Variants in DOCK6 observed in about 807,000 individuals in gnomAD.
DOCK6 encodes dedicator of cytokinesis 6, also known as dedicator of cytokinesis protein 6.
DOCK6 carries 167 observed loss-of-function variants against 230.3 expected under a neutral mutation model. The observed-to-expected ratio is 0.73, with a 90% CI of 0.64 to 0.82. DOCK6 has a LOEUF of 0.82. DOCK6 is among the 40% of genes least tolerant of loss of function. The probability of loss-of-function intolerance (pLI) is 0.00; values close to 1 mark genes in which losing one functional copy is unlikely to be tolerated. For synonymous variants in DOCK6, 1,148 were observed against 1,185.0 expected (o/e 0.97, Z 0.64); for missense variants, 2,598 against 2,825.8 (o/e 0.92, Z 1.83).
chr19:11,245,373 G>T (rs1392734681), intron 9 of DOCK6, among the ~76,000 whole-genome samples, 190 bp downstream of exon 9: 1 of 151,986 alleles, frequency 6.6e-6, no homozygotes, highest in Non-Finnish European at 1.5e-5. Flanking sequence ...CTCAACTGTC[G>T]CCTCTCCCTG....
chr19:11,251,245 C>T, intron 5 of DOCK6, 159 bp from the exon 6 acceptor site: 2 of 698,030 alleles, frequency 2.9e-6, no homozygotes, highest in Non-Finnish European at 4.7e-6. Flanking sequence ...TGCCTACCCT[C>T]TTTCCAGAAA....
rs1265058969 is a variant in DOCK6, at chr19:11,200,307, C to T, written c.6101+1G>A. 6 of 1,561,348 alleles carry T rather than the reference C, an allele frequency of 3.8e-6. No homozygotes were observed. Among genetic ancestry groups the T allele is most frequent in the Non-Finnish European group, 4.3e-6 (5 of 1,152,856 alleles). On this transcript the variant is annotated splice_donor_variant, in intron 47 of 47. Coordinates refer to ENST00000294618, the MANE Select transcript of DOCK6 (RefSeq NM_020812.4). LOFTEE classifies it high-confidence loss of function. The surrounding 1 kb of genome is among the most constrained non-coding windows in gnomAD (Gnocchi z 4.3). ...TAGGATGGGGGCACTAGGTCAGGCACCTGAGGCCGGGTGGGGTGGGTGCCA... is the reference window on the plus strand; with the variant it reads ...TAGGATGGGGGCACTAGGTCAGGCATCTGAGGCCGGGTGGGGTGGGTGCCA...
Position 11,227,402 on chromosome 19 carries a change from A to G in DOCK6, c.2890T>C (p.Phe964Leu), listed in dbSNP as rs745891294. The change falls in exon 24 of 48, where the codon TTC (phenylalanine) becomes CTC (leucine). Residue 964 changes from phenylalanine to leucine, a missense_variant. Phe to Leu is a conservative substitution (Grantham distance 22, BLOSUM62 0). Transcript: ENST00000294618. ...ACCAAGGCAGTGATGTCGTCCAGGA[A>G]GCGTCCGGGGAAGCGCAGCTTGCGG... is the stretch of plus-strand genomic sequence containing the variant. Reference protein sequence around the residue: ...TPRKLRFPGRFLDDITALVGS... With the variant: ...TPRKLRFPGRLLDDITALVGS... The G allele has an allele frequency of 6.2e-7, 1 of 1,613,790 alleles. No homozygotes were observed. Among genetic ancestry groups the G allele is most frequent in the South Asian group, 1.1e-5 (1 of 91,058 alleles).
intron 39 of DOCK6, among the ~76,000 whole-genome samples, chr19:11,205,165 C>G (rs1485094625): frequency 1.3e-5 from 2 of 152,154 alleles, no homozygotes; most frequent in Non-Finnish European, 2.9e-5. Flanking sequence ...CCTGTGTCCA[C>G]CCCCTGGTTT....
chr19:11,237,845 G>A lies in DOCK6; in HGVS notation c.1833-66C>T, dbSNP rs3745683. The A allele has an allele frequency of 0.097, 145,802 of 1,497,032 alleles. 9,123 individuals are homozygous for A. Among genetic ancestry groups the A allele is most frequent in the East Asian group, 0.25 (10,023 of 40,618 alleles). The allele number at this position is 1,497,032 out of a possible 1,614,324, so 92.7% of individuals were successfully genotyped here. On this transcript the variant is annotated intron_variant, in intron 16 of 47. Coordinates refer to ENST00000294618, the MANE Select transcript of DOCK6 (RefSeq NM_020812.4). ...CCCCACTGTCTGCCCCATCACCTCT[G>A]CCATGCCACGCCCTTATTGCTGCTA...
At chr19:11,252,981 T>A (rs1256968460) in intron 2 of DOCK6, 23 bp from the exon 3 acceptor site, 6 of 1,587,046 alleles carry the variant, frequency 3.8e-6, no homozygotes, top group Admixed American at 3.6e-5. Flanking sequence ...AAAGTGGCTG[T>A]GATCGCACTA....
At chr19:11,239,073 G>A (rs1295460288) in intron 14 of DOCK6, among the ~76,000 whole-genome samples, 1 of 152,140 alleles carries the variant, frequency 6.6e-6, no homozygotes, top group Non-Finnish European at 1.5e-5. Context: ...GGAAACTGAG[G>A]TACTTGCACA....
Position 11,243,334 on chromosome 19 carries a change from G to T in DOCK6, c.1310C>A (p.Ala437Glu), listed in dbSNP as rs1003376563. Reference sequence around the variant, plus strand: ...GCTGCAGGCGTCGTCCCCACTACTCGCCCGGTCCTGGGGCCCCCGACGGCG... The same window carrying T: ...GCTGCAGGCGTCGTCCCCACTACTCTCCCGGTCCTGGGGCCCCCGACGGCG... ...DRRRRGPQDR[A>E]SSGDDACSFS... Residue 437 changes from alanine to glutamate, a missense_variant, in exon 12 of 48, where the codon GCG (alanine) becomes GAG (glutamate). Coordinates refer to ENST00000294618, the MANE Select transcript of DOCK6 (RefSeq NM_020812.4). The surrounding 1 kb of genome is among the most constrained non-coding windows in gnomAD (Gnocchi z 6.3). 1 of 1,598,860 alleles carries T rather than the reference G, an allele frequency of 6.3e-7. No individual in the cohort carries two copies. Among genetic ancestry groups the T allele is most frequent in the Admixed American group, 1.7e-5 (1 of 57,284 alleles).
chr19:11,239,563 A>G, intron 14 of DOCK6: 2 of 1,565,038 alleles, frequency 1.3e-6, no homozygotes, highest in Non-Finnish European at 1.7e-6. Context: ...TTAACGATTG[A>G]CTGGGGATCA....
intron 22 of DOCK6, among the ~76,000 whole-genome samples, chr19:11,230,425 C>T (rs2079746688): frequency 6.6e-6 from 1 of 152,076 alleles, no homozygotes; most frequent in South Asian, 2.1e-4. Context: ...GCAACCACAA[C>T]AGGCAGGAGG....
At chr19:11,239,902 C>T (rs1454633902) in intron 14 of DOCK6, 2 of 1,591,332 alleles carry the variant, frequency 1.3e-6, no homozygotes, top group South Asian at 2.3e-5. Context: ...GGATGCAGCC[C>T]AGGAACTTCG....
Position 11,237,633 on chromosome 19 carries a change from CG to C in DOCK6, c.1971+7del. On this transcript the variant is annotated splice_region_variant and intron_variant, in intron 17 of 47. Transcript: ENST00000294618. The stretch of plus-strand genomic sequence containing the variant: ...GGCTCAGGGGGAGGGAGGGAGGGGA[CG>C]GCTCACAGTAAAGCCCACGGGTGTC... 6.3e-7 allele frequency: 1 copy of C among 1,591,128 alleles called. No individual in the cohort carries two copies. The highest frequency in any genetic ancestry group is 8.6e-7 in the Non-Finnish European group (1 of 1,169,514).
chr19:11,212,159 G>A lies in DOCK6; in HGVS notation c.4492-8C>T, dbSNP rs774853718. 4.4e-6 allele frequency: 7 copies of A among 1,604,112 alleles called. No individual in the cohort carries two copies. The South Asian group carries it at 7.7e-5, about 18-fold the overall frequency. Reference sequence around the variant, plus strand: ...CTTCACACGGGCAAAGTTCTGCAGGGACAGGGGCGGGAGGGTGGAGCCGGG... The same window carrying A: ...CTTCACACGGGCAAAGTTCTGCAGGAACAGGGGCGGGAGGGTGGAGCCGGG... On this transcript the variant is annotated splice_polypyrimidine_tract_variant and splice_region_variant and intron_variant, in intron 35 of 47. Coordinates refer to ENST00000294618, the MANE Select transcript of DOCK6 (RefSeq NM_020812.4).
In DOCK6 at chr19:11,215,592, G is replaced by GCAGAAGCCTGCCGGGTGGAC. The variant is rs2079471960; in HGVS notation, c.4022-141_4022-122dup. On this transcript the variant is annotated intron_variant, in intron 31 of 47. Coordinates refer to ENST00000294618, the MANE Select transcript of DOCK6 (RefSeq NM_020812.4). ...CTGACCCATGAGGGCACTGGGTGGAGCAGAAGCCTGCCGGGTGGACGCACA... is the reference window on the plus strand; with the variant it reads ...CTGACCCATGAGGGCACTGGGTGGAGCAGAAGCCTGCCGGGTGGACCAGAAGCCTGCCGGGTGGACGCACA... The GCAGAAGCCTGCCGGGTGGAC allele has an allele frequency of 2.3e-5, 29 of 1,280,746 alleles. No homozygotes were observed. The South Asian group carries it at 3.6e-4, about 16-fold the overall frequency. 79.3% of individuals were successfully genotyped at this position (1,280,746 alleles called of 1,614,324 possible).
In DOCK6 at chr19:11,202,149, G is replaced by A; in HGVS notation, c.5452-24C>T. On this transcript the variant is annotated intron_variant, in intron 43 of 47. Coordinates refer to ENST00000294618, the MANE Select transcript of DOCK6 (RefSeq NM_020812.4). The surrounding 1 kb of genome is among the most constrained non-coding windows in gnomAD (Gnocchi z 5.3). Reference sequence around the variant, plus strand: ...GCCTGGGCGCAGGGTCAGGTGTGAGGATCCCACAGCCCCAGCACGCACAGC... The same window carrying A: ...GCCTGGGCGCAGGGTCAGGTGTGAGAATCCCACAGCCCCAGCACGCACAGC... The A allele has an allele frequency of 1.2e-6, 2 of 1,608,440 alleles. No individual in the cohort carries two copies. The highest frequency in any genetic ancestry group is 1.7e-6 in the Non-Finnish European group (2 of 1,175,144).
At chr19:11,216,089 A>T in intron 30 of DOCK6, 162 bp from the exon 31 acceptor site, 1 of 879,548 alleles carries the variant, frequency 1.1e-6, no homozygotes, top group Non-Finnish European at 1.6e-6. Context: ...CCAAAAAAAA[A>T]ATTTTTTTTT....
chr19:11,235,666 CA>C lies in DOCK6; in HGVS notation c.2485del (p.Cys829AlafsTer28). The C allele has an allele frequency of 6.2e-7, 1 of 1,602,606 alleles. No homozygotes were observed. The highest frequency in any genetic ancestry group is 8.5e-7 in the Non-Finnish European group (1 of 1,174,838). On this transcript the variant is annotated frameshift_variant, in exon 21 of 48. Transcript: ENST00000294618. LOFTEE classifies it high-confidence loss of function. ...GTGGACGTAGGCAGCCAGCTGTGGGCAGTGACCGCGGGCATCCTGGGCTGCC... is the reference window on the plus strand; with the variant it reads ...GTGGACGTAGGCAGCCAGCTGTGGGCGTGACCGCGGGCATCCTGGGCTGCC... The part of the protein sequence containing the change: ...LEAAQDARGH[C>X]PQLAAYVHYA...
At position 11,200,376 on chromosome 19, in the gene DOCK6, C is replaced by A; in HGVS notation, c.6033G>T (p.Arg2011=). ...RELERNYCRL[R]EALQPLLTQR... is the part of the protein sequence containing the mutation. ...GGGTAAGCAGGGGCTGCAGAGCCTC[C>A]CGCAGGCGGCAGTAGTTGCGCTCCA... Residue 2011 remains arginine, a synonymous_variant, in exon 47 of 48, where the codon CGG becomes CGT. Coordinates refer to ENST00000294618, the MANE Select transcript of DOCK6 (RefSeq NM_020812.4). The surrounding 1 kb of genome is among the most constrained non-coding windows in gnomAD (Gnocchi z 4.3). 6.3e-7 allele frequency: 1 copy of A among 1,597,708 alleles called. No homozygotes were observed. The highest frequency in any genetic ancestry group is 2.3e-5 in the East Asian group (1 of 44,018).
rs534365552 is a variant in DOCK6, at chr19:11,201,142, G to A, written c.5689-90C>T. ...GGGGGCAGCTCAGACCCCGCTGGGA[G>A]TGAGAGGGGTCCAAGAACCCAGGCA... On this transcript the variant is annotated intron_variant, in intron 44 of 47. Coordinates refer to ENST00000294618, the MANE Select transcript of DOCK6 (RefSeq NM_020812.4). The surrounding 1 kb of genome is among the most constrained non-coding windows in gnomAD (Gnocchi z 4.3). 2.2e-5 allele frequency: 32 copies of A among 1,485,362 alleles called. No individual in the cohort carries two copies. The African/African-American group carries it at 4.0e-4, about 19-fold the overall frequency. 92.0% of individuals were successfully genotyped at this position (1,485,362 alleles called of 1,614,324 possible).
Sources: allele counts gnomAD v4.1 joint callset (sites outside exome capture counted in the v4.1 genomes callset), GRCh38; gene constraint gnomAD v4.1.1; non-coding constraint Gnocchi (gnomAD v3.1); transcripts MANE v1.5; gene names NCBI Gene and HGNC (gene_info 2026-07-23, HGNC 2026-07-21).